DHX29: variants seen among roughly 807,000 people sequenced by gnomAD.
The protein encoded by DHX29 is ATP-dependent RNA helicase DHX29.
DHX29 carries 79 observed loss-of-function variants against 167.9 expected under a neutral mutation model. The ratio of observed to expected loss-of-function variants is 0.47; its 90% CI spans 0.39 to 0.57. DHX29 has a LOEUF of 0.57. Ranked by LOEUF, DHX29 falls within the 20% of genes least tolerant of loss-of-function variation. The pLI is 0.00. For synonymous variants in DHX29, 530 were observed against 546.0 expected (o/e 0.97, Z 0.41); for missense variants, 1,347 against 1,593.4 (o/e 0.85, Z 2.63).
In DHX29 at chr5:55,276,273, T is replaced by A; in HGVS notation, c.2420A>T (p.Lys807Ile). 6.3e-7 allele frequency: 1 copy of A among 1,576,640 alleles called. No individual in the cohort carries two copies. The highest frequency in any genetic ancestry group is 8.6e-7 in the Non-Finnish European group (1 of 1,169,356). ...AAAATATTTTCTTTTTACCTGATATTTTTTTATTCCCCCTGCTTTGCTTGT... is the reference window on the plus strand; with the variant it reads ...AAAATATTTTCTTTTTACCTGATATATTTTTATTCCCCCTGCTTTGCTTGT... ...NVTSKAGGIK[K>I]YQEYIPVQTG... Residue 807 changes from lysine (K) to isoleucine (I), a missense_variant, in exon 14 of 27, where the codon AAA becomes ATA. Around this residue, in one of 3 missense-constraint regions of DHX29, gnomAD observed 882 missense variants for 1,082.4 expected, o/e 0.81. Transcript: ENST00000251636.
At chr5:55,258,308 A>G (rs1300353097) in intron 26 of DHX29, among the ~76,000 whole-genome samples, 2 of 152,234 alleles carry the variant, frequency 1.3e-5, no homozygotes, top group African/African-American at 2.4e-5. Flanking sequence ...ATGTTAAAGC[A>G]TGAGTATGTA....
At chr5:55,260,624 T>G (rs4865599) in intron 25 of DHX29, among the ~76,000 whole-genome samples, 9,180 of 152,260 alleles carry the variant, frequency 0.06, 488 homozygotes, top group Admixed American at 0.12. Context: ...ACCATCACAA[T>G]CCAGTTATAA....
chr5:55,258,103 G>A (rs1158817608), intron 26 of DHX29, among the ~76,000 whole-genome samples: 2 of 152,106 alleles, frequency 1.3e-5, no homozygotes, highest in Admixed American at 6.6e-5. Flanking sequence ...GAATAAACTG[G>A]GGATACTTTG....
At chr5:55,291,633 T>G (rs1748051046) in intron 6 of DHX29, among the ~76,000 whole-genome samples, 1 of 152,212 alleles carries the variant, frequency 6.6e-6, no homozygotes, top group South Asian at 2.1e-4. Context: ...GAACGCTTTT[T>G]ATCTGGCAAA....
At chr5:55,305,547 A>G (rs1748817732) in intron 1 of DHX29, among the ~76,000 whole-genome samples, 1 of 152,226 alleles carries the variant, frequency 6.6e-6, no homozygotes, top group African/African-American at 2.4e-5. Flanking sequence ...CCAAAGCAGC[A>G]TTTCTGGAAG....
chr5:55,276,470 G>T, intron 13 of DHX29, 64 bp from the exon 14 acceptor site: 1 of 1,258,100 alleles, frequency 7.9e-7, no homozygotes. Context: ...TCATTTTAAA[G>T]AGAACAGGGG....
At chr5:55,297,035 C>A (rs1748360839) in intron 3 of DHX29, among the ~76,000 whole-genome samples, 1 of 152,172 alleles carries the variant, frequency 6.6e-6, no homozygotes, top group Non-Finnish European at 1.5e-5. Context: ...GTGCCCAGCA[C>A]AGAATCTAAC....
intron 7 of DHX29, among the ~76,000 whole-genome samples, chr5:55,289,695 G>A (rs1747937500): frequency 6.6e-6 from 1 of 151,978 alleles, no homozygotes; most frequent in South Asian, 2.1e-4. Context: ...TTTAATAGGT[G>A]CAATAAGCCT....
chr5:55,305,842 G>A (rs1748832276), intron 1 of DHX29, among the ~76,000 whole-genome samples: 1 of 152,162 alleles, frequency 6.6e-6, no homozygotes, highest in Admixed American at 6.5e-5. Context: ...TTGCCAACTT[G>A]AGCTTGGAAG....
At chr5:55,256,568 G>A (rs777599227) in intron 26 of DHX29, 28 bp from the exon 27 acceptor site, 11 of 1,568,728 alleles carry the variant, frequency 7.0e-6, no homozygotes, top group Middle Eastern at 1.7e-4. Context: ...AAAAAGCCAC[G>A]AATAAATGCA....
chr5:55,297,654 T>C (rs1748390023), intron 2 of DHX29, among the ~76,000 whole-genome samples: 1 of 152,128 alleles, frequency 6.6e-6, no homozygotes, highest in Non-Finnish European at 1.5e-5. Context: ...TCACGAGACA[T>C]TGTCCTTGGA....
chr5:55,269,286 G>A (rs929287283), intron 21 of DHX29, 127 bp downstream of exon 21: 30 of 830,904 alleles, frequency 3.6e-5, no homozygotes, highest in African/African-American at 3.0e-4. Context: ...AGGCCCTCTC[G>A]GTTTTAATGT....
In DHX29 at chr5:55,298,472, A is replaced by G. The variant is rs1313800946; in HGVS notation, c.261+119T>C. 4.9e-6 allele frequency: 3 copies of G among 616,844 alleles called. 1 individual carries two copies. The highest frequency in any genetic ancestry group is 3.6e-5 in the South Asian group (2 of 56,020). 38.2% of individuals were successfully genotyped at this position (616,844 alleles called of 1,614,324 possible). A position where few individuals can be genotyped will look rare whatever the true frequency, so the allele number is the denominator to read the frequency against. On this transcript the variant is annotated intron_variant, in intron 2 of 26. Coordinates refer to ENST00000251636, the MANE Select transcript of DHX29 (RefSeq NM_019030.4). ...ATTTTTAGTAGAGATTAGCTCTTAG[A>G]GTACTATTTACAAAAATTTAAAACA...
chr5:55,290,057 G>C (rs1486348830), intron 7 of DHX29, among the ~76,000 whole-genome samples, 161 bp downstream of exon 7: 1 of 152,160 alleles, frequency 6.6e-6, no homozygotes, highest in Non-Finnish European at 1.5e-5. Context: ...GGCCCATGAA[G>C]TCCACAGTAT....
chr5:55,274,469 G>C (rs1416761549), intron 16 of DHX29, 145 bp downstream of exon 16: 1 of 555,978 alleles, frequency 1.8e-6, no homozygotes, highest in East Asian at 3.3e-5. Context: ...TATAATGGAA[G>C]TGTTTAAAGA....
intron 12 of DHX29, chr5:55,279,663 A>G: frequency 6.5e-6 from 1 of 152,692 alleles, no homozygotes. Flanking sequence ...AGTAGATAGG[A>G]CTACAGGGAA....
At chr5:55,285,943 A>G in intron 8 of DHX29, 82 bp from the exon 9 acceptor site, 2 of 1,144,500 alleles carry the variant, frequency 1.7e-6, no homozygotes, top group East Asian at 5.1e-5. Flanking sequence ...CTTGCTTTGG[A>G]GAACAGCACT....
At position 55,288,111 on chromosome 5, in the gene DHX29, T is replaced by C. The variant is rs1747838159; in HGVS notation, c.1066+1159A>G. ...TACAAAAACTAGCCGGGCATGGGGG[T>C]GCATGCCTGTAATCCCAGCTACTTG... On this transcript the variant is annotated intron_variant, in intron 8 of 26. Coordinates refer to ENST00000251636, the MANE Select transcript of DHX29 (RefSeq NM_019030.4). Among the ~76,000 whole-genome samples the C allele has an allele frequency of 3.3e-5, 5 of 149,810 alleles. 1 individual carries two copies. The South Asian group carries it at 1.1e-3, about 32-fold the overall frequency.
chr5:55,290,966 G>C (rs1748014954), intron 6 of DHX29, among the ~76,000 whole-genome samples: 1 of 152,128 alleles, frequency 6.6e-6, no homozygotes, highest in Non-Finnish European at 1.5e-5. Context: ...AGTGAGCTGA[G>C]ATCGTACCAC....
Sources: gnomAD v4.1 joint callset for allele counts (sites outside exome capture counted in the v4.1 genomes callset) on GRCh38, gnomAD v4.1.1 for gene constraint, gnomAD v4.1.1 regional missense constraint, MANE v1.5 for transcripts, NCBI Gene and HGNC (gene_info 2026-07-23, HGNC 2026-07-21) for gene names.